DLG2: variants seen among roughly 807,000 people sequenced by gnomAD.
DLG2 encodes the protein discs large MAGUK scaffold protein 2.
A neutral mutation model predicts 132.5 loss-of-function variants in DLG2; 45 were observed. That is an observed-to-expected ratio of 0.34 (90% CI 0.27 to 0.44). DLG2 has a LOEUF of 0.44. DLG2 is among the 20% of genes least tolerant of loss of function. The pLI is 1.00. For synonymous variants in DLG2, 424 were observed against 419.6 expected (o/e 1.01, Z -0.13); for missense variants, 1,045 against 1,196.9 (o/e 0.87, Z 1.87).
intron 7 of DLG2, among the ~76,000 whole-genome samples, chr11:84,490,196 T>C (rs1355653130): frequency 6.6e-6 from 1 of 152,110 alleles, no homozygotes; most frequent in East Asian, 1.9e-4. Flanking sequence ...ATGGAAATAA[T>C]AGCAGCTATC....
At chr11:83,569,676 G>C (rs2096766180) in intron 19 of DLG2, among the ~76,000 whole-genome samples, 1 of 152,170 alleles carries the variant, frequency 6.6e-6, no homozygotes. Context: ...TCTTATCCTT[G>C]TAAGTCAGGC....
At chr11:84,166,844 A>C (rs1196490748) in intron 8 of DLG2, 1 of 508,832 alleles carries the variant, frequency 2.0e-6, no homozygotes, top group African/African-American at 2.0e-5. Flanking sequence ...GTCTCATATA[A>C]TATTCCCAAT....
intron 7 of DLG2, among the ~76,000 whole-genome samples, chr11:84,429,690 G>A (rs1478024383): frequency 6.6e-6 from 1 of 152,110 alleles, no homozygotes; most frequent in Non-Finnish European, 1.5e-5. Flanking sequence ...TGCAATACAT[G>A]TGCAAATAAA....
chr11:85,421,423 T>C lies in DLG2; in HGVS notation c.41-136058A>G, dbSNP rs578194031. 1.3e-4 allele frequency among the ~76,000 whole-genome samples: 19 copies of C among 151,860 alleles called. No individual in the cohort carries two copies. The East Asian group carries it at 3.7e-3, about 30-fold the overall frequency. ...TACCAGCCATCCATCCCTCCCCCTT[T>C]TTTTTTTTTAACTGCTGTTGCTTTG... On this transcript the variant is annotated intron_variant, in intron 3 of 27. Coordinates refer to ENST00000376104, the MANE Select transcript of DLG2 (RefSeq NM_001142699.3).
intron 3 of DLG2, among the ~76,000 whole-genome samples, chr11:85,542,293 T>C (rs1248624121): frequency 6.6e-6 from 1 of 152,126 alleles, no homozygotes; most frequent in Non-Finnish European, 1.5e-5. Flanking sequence ...TGTTAAGCAA[T>C]CTCTTGGAAA....
chr11:85,628,290 T>A (rs2082120941), upstream of DLG2, among the ~76,000 whole-genome samples: 1 of 152,144 alleles, frequency 6.6e-6, no homozygotes, highest in Non-Finnish European at 1.5e-5. Flanking sequence ...CGCAGTAACA[T>A]TACAACATTC....
chr11:83,997,573 A>G (rs555229723), intron 11 of DLG2, among the ~76,000 whole-genome samples: 2 of 151,478 alleles, frequency 1.3e-5, no homozygotes, highest in Admixed American at 1.3e-4. Flanking sequence ...TACTAAAAAT[A>G]CAAAAAATTT....
chr11:83,971,449 G>A (rs1263790818), intron 12 of DLG2, among the ~76,000 whole-genome samples: 1 of 152,180 alleles, frequency 6.6e-6, no homozygotes, highest in Admixed American at 6.5e-5. Flanking sequence ...GGCAAGTTTT[G>A]TGGGAATTCA....
At chr11:84,502,042 C>CTTTCT (rs901770643) in intron 7 of DLG2, among the ~76,000 whole-genome samples, 6 of 151,782 alleles carry the variant, frequency 4.0e-5, no homozygotes, top group African/African-American at 1.2e-4. Context: ...TTTTCTTTGC[C>CTTTCT]TTTCTTTTCT....
chr11:85,322,040 A>G (rs748054634), intron 3 of DLG2, among the ~76,000 whole-genome samples: 2 of 152,012 alleles, frequency 1.3e-5, no homozygotes, highest in African/African-American at 2.4e-5. Flanking sequence ...ACTTCATTAT[A>G]TTCAGTAATA....
At chr11:84,652,941 T>TC (rs1228638647) in intron 6 of DLG2, among the ~76,000 whole-genome samples, 17 of 151,686 alleles carry the variant, frequency 1.1e-4, no homozygotes, top group African/African-American at 2.2e-4. Flanking sequence ...GGTTTTTTTT[T>TC]TTTTTTTTTA....
rs141979102 is a variant in DLG2 at position 85,015,155 on chromosome 11, T to C, written c.357+96506A>G. On this transcript the variant is annotated intron_variant, in intron 6 of 27. Coordinates refer to ENST00000376104, the MANE Select transcript of DLG2 (RefSeq NM_001142699.3). ...AAGTAGATGCCAAAATTGTGTGCAA[T>C]TGATGTGGCTTTTCAAACTGAGTAT... Among the ~76,000 whole-genome samples the C allele has an allele frequency of 6.3e-3, 954 of 152,310 alleles. 8 individuals are homozygous for C. Among genetic ancestry groups the C allele is most frequent in the Non-Finnish European group, 9.8e-3 (668 of 68,014 alleles).
At chr11:83,967,506 C>T (rs574314890) in intron 12 of DLG2, among the ~76,000 whole-genome samples, 1 of 152,216 alleles carries the variant, frequency 6.6e-6, no homozygotes, top group South Asian at 2.1e-4. Flanking sequence ...CACCTTTTTG[C>T]ATACCTGTTG....
chr11:83,826,188 T>C (rs1276087086), intron 17 of DLG2, among the ~76,000 whole-genome samples: 1 of 152,186 alleles, frequency 6.6e-6, no homozygotes, highest in Non-Finnish European at 1.5e-5. Flanking sequence ...TGATGGGTGA[T>C]GTTTATATGC....
At chr11:83,741,723 T>C (rs1401684378) in intron 18 of DLG2, among the ~76,000 whole-genome samples, 6 of 151,602 alleles carry the variant, frequency 4.0e-5, no homozygotes, top group South Asian at 2.1e-4. Flanking sequence ...AAAATGGCCA[T>C]ACTGGCTGGG....
intron 4 of DLG2, among the ~76,000 whole-genome samples, chr11:85,279,220 A>G (rs895455114): frequency 6.6e-6 from 1 of 152,156 alleles, no homozygotes; most frequent in Non-Finnish European, 1.5e-5. Flanking sequence ...AGCTGAAGTT[A>G]TGAAGAAAAA....
chr11:85,597,083 T>C (rs940345724), intron 3 of DLG2, among the ~76,000 whole-genome samples: 6 of 152,226 alleles, frequency 3.9e-5, no homozygotes, highest in African/African-American at 1.2e-4. Context: ...ATTATTGGCG[T>C]TAAGCCAAGA....
At chr11:83,827,405 T>G (rs1471562744) in intron 17 of DLG2, among the ~76,000 whole-genome samples, 1 of 152,186 alleles carries the variant, frequency 6.6e-6, no homozygotes, top group African/African-American at 2.4e-5. Context: ...CTGAAAATTT[T>G]TGAAATACCC....
intron 3 of DLG2, among the ~76,000 whole-genome samples, chr11:85,402,251 C>G (rs965888581): frequency 5.9e-5 from 9 of 152,288 alleles, no homozygotes; most frequent in African/African-American, 1.9e-4. Flanking sequence ...AAAGGATTCT[C>G]TATTTAATAA....
Sources: gnomAD v4.1 joint callset for allele counts (sites outside exome capture counted in the v4.1 genomes callset) on GRCh38, gnomAD v4.1.1 for gene constraint, MANE v1.5 for transcripts, NCBI Gene and HGNC (gene_info 2026-07-23, HGNC 2026-07-21) for gene names.